Variants in TTC7A observed in about 807,000 individuals in gnomAD.
TTC7A encodes the protein tetratricopeptide repeat protein 7A.
In TTC7A, 110 loss-of-function variants were observed where a neutral mutation model predicts 103.7. The ratio of observed to expected loss-of-function variants is 1.06; its 90% confidence interval spans 0.91 to 1.24. The LOEUF is 1.24. TTC7A is among the 50% of genes most tolerant of loss of function. The probability of loss-of-function intolerance (pLI) is 0.00; values close to 1 mark genes in which losing one functional copy is unlikely to be tolerated. For missense variants in TTC7A, 1,340 were observed against 1,116.3 expected, an observed-to-expected ratio of 1.20 and a Z score of -2.86; for synonymous variants, 521 against 467.9, an observed-to-expected ratio of 1.11 and a Z score of -1.47.
upstream of TTC7A, chr2:46,941,181 G>A (rs1233946812): frequency 1.4e-5 from 2 of 147,838 alleles, no homozygotes; most frequent in African/African-American, 4.9e-5. This position sits in a 1 kb window ranked among gnomAD's most constrained non-coding sequence, Gnocchi z 4.2. Flanking sequence ...CGCGGCCAGG[G>A]GCGGGTCCGC....
chr2:46,992,451 T>C (rs865983008), intron 5 of TTC7A, among the ~76,000 whole-genome samples: 2 of 152,308 alleles, frequency 1.3e-5, no homozygotes, highest in South Asian at 2.1e-4. Context: ...AAAGGCCACG[T>C]AAGGCAGTGG....
chr2:46,995,071 G>A, intron 7 of TTC7A, 65 bp from the exon 8 acceptor site: 1 of 1,516,946 alleles, frequency 6.6e-7, no homozygotes, highest in South Asian at 1.1e-5. Context: ...GGCTGGCATG[G>A]TGGGTCAGTG....
chr2:46,965,625 G>A (rs1002917063), intron 3 of TTC7A, among the ~76,000 whole-genome samples: 5 of 149,650 alleles, frequency 3.3e-5, no homozygotes, highest in African/African-American at 1.2e-4. Context: ...GCAGTGATGC[G>A]ATCTCGGCTC....
intron 16 of TTC7A, among the ~76,000 whole-genome samples, chr2:47,048,927 C>G (rs540360152): frequency 6.6e-6 from 1 of 152,088 alleles, no homozygotes; most frequent in South Asian, 2.1e-4. Flanking sequence ...TTGCACCACA[C>G]TTTGTGCCTC....
At chr2:46,935,093 C>T (rs958516292) in intron 2 of TTC7A, among the ~76,000 whole-genome samples, 2 of 152,056 alleles carry the variant, frequency 1.3e-5, no homozygotes, top group Admixed American at 6.5e-5. Flanking sequence ...GCCACCACGC[C>T]GAGCCCTAAG....
At chr2:47,002,938 T>G (rs908329398) in intron 8 of TTC7A, among the ~76,000 whole-genome samples, 8 of 152,166 alleles carry the variant, frequency 5.3e-5, no homozygotes, top group African/African-American at 1.9e-4. Context: ...GGAGCCTTCC[T>G]GGCTGCCTGC....
chr2:46,970,017 G>A (rs1673215150), intron 3 of TTC7A, among the ~76,000 whole-genome samples: 1 of 152,098 alleles, frequency 6.6e-6, no homozygotes, highest in Non-Finnish European at 1.5e-5. Flanking sequence ...ATTGAAATGG[G>A]TCTTGTTCTG....
chr2:47,013,828 G>T (rs1213532348), intron 11 of TTC7A, among the ~76,000 whole-genome samples: 2 of 152,206 alleles, frequency 1.3e-5, no homozygotes, highest in African/African-American at 4.8e-5. Context: ...CGAGGAGAAG[G>T]GTGAGCTGTT....
chr2:47,040,544 C>G (rs185597465), intron 15 of TTC7A: 1 of 152,254 alleles, frequency 6.6e-6, no homozygotes, highest in Non-Finnish European at 1.5e-5. Flanking sequence ...CTCCTTCCAT[C>G]GTCTTCCTGT....
In TTC7A at chr2:46,986,523, G is replaced by A. The variant is rs578188153; in HGVS notation, c.765-6927G>A. ...AGTGCTCTGTGCTGGGGGGGAAAGA[G>A]GCAGAGAGGTGGGGGTGCTGCCTGG... On this transcript the variant is annotated intron_variant, in intron 5 of 19. Coordinates refer to ENST00000319190, the MANE Select transcript of TTC7A (RefSeq NM_020458.4). Among the ~76,000 whole-genome samples the A allele has an allele frequency of 2.6e-5, 4 of 152,254 alleles. No homozygotes were observed. The East Asian group carries it at 7.7e-4, about 29-fold the overall frequency.
At chr2:47,015,194 G>A (rs1367139778) in intron 11 of TTC7A, among the ~76,000 whole-genome samples, 2 of 152,252 alleles carry the variant, frequency 1.3e-5, no homozygotes, top group African/African-American at 2.4e-5. Flanking sequence ...GGCATGCCCA[G>A]CCTCCTGCCA....
intron 2 of TTC7A, among the ~76,000 whole-genome samples, chr2:46,924,584 T>C (rs1054182098): frequency 6.6e-6 from 1 of 152,132 alleles, no homozygotes; most frequent in Non-Finnish European, 1.5e-5. Context: ...AAATATACCA[T>C]GTGATATTCA....
In TTC7A at chr2:46,941,726, G is replaced by A. The variant is rs1166079882; in HGVS notation, c.184+1G>A. On this transcript the variant is annotated splice_donor_variant, in intron 1 of 19. Transcript: ENST00000319190. LOFTEE classifies it high-confidence loss of function. This position sits in a 1 kb window ranked among gnomAD's most constrained non-coding sequence, Gnocchi z 4.2. ...GCAGCGTTCACCTTTCCGGACACCG[G>A]TGAGTAAGGGAAGAGGCTGGCTCGC... 6.5e-7 allele frequency: 1 copy of A among 1,549,786 alleles called. No homozygotes were observed. The highest frequency in any genetic ancestry group is 1.4e-5 in the African/African-American group (1 of 73,192).
At chr2:46,957,802 A>G (rs1008993413) in intron 3 of TTC7A, among the ~76,000 whole-genome samples, 1 of 152,184 alleles carries the variant, frequency 6.6e-6, no homozygotes, top group Admixed American at 6.5e-5. Context: ...TGCTGTCCGG[A>G]ATCTTGGATG....
chr2:47,014,921 C>G (rs1678476633), intron 11 of TTC7A, among the ~76,000 whole-genome samples: 3 of 152,256 alleles, frequency 2.0e-5, no homozygotes. Context: ...GTTGGACACC[C>G]CATACCGGGT....
In TTC7A at chr2:47,019,581, G is replaced by A. The variant is rs190076555; in HGVS notation, c.1393-2281G>A. ...TGGATCACAAGTTGGACACATTAAG[G>A]ATGTGTGTCTTCACTTTATAAAGCT... is the stretch of plus-strand genomic sequence containing the variant. On this transcript the variant is annotated intron_variant, in intron 11 of 19. Transcript: ENST00000319190. Among the ~76,000 whole-genome samples, 147 of 152,228 alleles carry A rather than the reference G, an allele frequency of 9.7e-4. 1 individual carries two copies. The highest frequency in any genetic ancestry group is 3.3e-3 in the African/African-American group (138 of 41,544).
intron 15 of TTC7A, among the ~76,000 whole-genome samples, chr2:47,042,549 G>C (rs1410008129): frequency 1.3e-5 from 2 of 152,060 alleles, no homozygotes; most frequent in African/African-American, 4.8e-5. Context: ...GCTTTTCAGA[G>C]CTACTCTGTG....
At chr2:47,039,376 C>G (rs143480266) in intron 15 of TTC7A, among the ~76,000 whole-genome samples, 1 of 152,226 alleles carries the variant, frequency 6.6e-6, no homozygotes, top group Non-Finnish European at 1.5e-5. Context: ...CAGCTCTGCT[C>G]TGCCAACTTC....
At chr2:46,958,461 T>A in intron 3 of TTC7A, 1 of 1,300,362 alleles carries the variant, frequency 7.7e-7, no homozygotes, top group Non-Finnish European at 1.0e-6. Context: ...TCAGGATGGA[T>A]TGCCCCCTGT....
Sources: gnomAD v4.1 joint callset for allele counts (sites outside exome capture counted in the v4.1 genomes callset) on GRCh38, gnomAD v4.1.1 for gene constraint, Gnocchi (gnomAD v3.1) non-coding constraint, MANE v1.5 for transcripts, NCBI Gene and HGNC (gene_info 2026-07-23, HGNC 2026-07-21) for gene names.